The following LDLRAD3 variants were observed in gnomAD, a reference collection of about 807,000 sequenced individuals.
LDLRAD3 encodes the protein low density lipoprotein receptor class A domain containing 3.
In LDLRAD3, 20 loss-of-function variants were observed where a neutral mutation model predicts 29.4. The observed-to-expected ratio is 0.68, with a 90% confidence interval of 0.48 to 0.99. The LOEUF is 0.99. Ranked by LOEUF, LDLRAD3 falls within the 50% of genes least tolerant of loss-of-function variation. The pLI, the probability that LDLRAD3 is intolerant of heterozygous loss-of-function variation, is 0.00. For synonymous variants in LDLRAD3, 157 were observed against 192.7 expected (o/e 0.81, Z 1.53); for missense variants, 420 against 454.3 (o/e 0.92, Z 0.69).
chr11:36,163,513 A>G (rs1400558095), intron 4 of LDLRAD3: 1 of 152,184 alleles, frequency 6.6e-6, no homozygotes, highest in Non-Finnish European at 1.5e-5. Context: ...TAGATTTCGG[A>G]GAATGGTGAT....
chr11:35,944,277 A>C lies in LDLRAD3; in HGVS notation c.46+133A>C, dbSNP rs1237509223. ...GGGCGTGGGTGAGCGCGGAGGGCGG[A>C]CCCCGGCGCCGGGCTGGCCCGGACC... On this transcript the variant is annotated intron_variant, in intron 1 of 5. Coordinates refer to ENST00000315571, the MANE Select transcript of LDLRAD3 (RefSeq NM_174902.4). This position sits in a 1 kb window ranked among gnomAD's most constrained non-coding sequence, Gnocchi z 4.9. 1 of 452,502 alleles carries C rather than the reference A, an allele frequency of 2.2e-6. No individual in the cohort carries two copies. The highest frequency in any genetic ancestry group is 6.4e-5 in the Admixed American group (1 of 15,538). The allele number at this position is 452,502 out of a possible 1,614,324, so 28.0% of individuals were successfully genotyped here. A position where few individuals can be genotyped will look rare whatever the true frequency, so the allele number is the denominator to read the frequency against.
At chr11:35,966,788 A>T (rs1851347283) in intron 1 of LDLRAD3, among the ~76,000 whole-genome samples, 2 of 152,214 alleles carry the variant, frequency 1.3e-5, no homozygotes, top group South Asian at 4.1e-4. Flanking sequence ...ATATATTAGG[A>T]GACCCACTTC....
At chr11:36,068,715 A>G (rs1021481954) in intron 2 of LDLRAD3, among the ~76,000 whole-genome samples, 1 of 152,052 alleles carries the variant, frequency 6.6e-6, no homozygotes, top group African/African-American at 2.4e-5. Flanking sequence ...ATGGGGTTTC[A>G]CCGTGTTAGC....
intron 1 of LDLRAD3, among the ~76,000 whole-genome samples, chr11:36,009,844 G>A (rs75092779): frequency 0.053 from 7,871 of 147,552 alleles, 269 homozygotes; most frequent in East Asian, 0.13. Flanking sequence ...TTTTTCTTAC[G>A]AAGAAGTTTT....
chr11:36,177,733 G>C (rs926376285), intron 4 of LDLRAD3, among the ~76,000 whole-genome samples: 11 of 152,314 alleles, frequency 7.2e-5, no homozygotes, highest in African/African-American at 2.6e-4. Context: ...AGGTAGCAGG[G>C]GAGTGAAGTG....
chr11:35,985,026 G>A (rs1463673696), intron 1 of LDLRAD3, among the ~76,000 whole-genome samples: 2 of 150,858 alleles, frequency 1.3e-5, no homozygotes, highest in African/African-American at 2.4e-5. Context: ...CTGGGCTCAA[G>A]CGATTCTCCC....
At chr11:36,162,911 A>T (rs1854463796) in intron 4 of LDLRAD3, among the ~76,000 whole-genome samples, 1 of 152,230 alleles carries the variant, frequency 6.6e-6, no homozygotes, top group African/African-American at 2.4e-5. Flanking sequence ...TTGTCGTTAT[A>T]TCTGGATCCT....
At chr11:36,082,325 A>T (rs1017228174) in intron 3 of LDLRAD3, among the ~76,000 whole-genome samples, 3 of 152,150 alleles carry the variant, frequency 2.0e-5, no homozygotes, top group African/African-American at 4.8e-5. Flanking sequence ...CCTAGGCAAC[A>T]AGGTAAAACC....
Position 35,944,338 on chromosome 11 carries a change from A to G in LDLRAD3, c.46+194A>G, listed in dbSNP as rs932918791. Among the ~76,000 whole-genome samples the G allele has an allele frequency of 1.3e-5, 2 of 151,368 alleles. No homozygotes were observed. On this transcript the variant is annotated intron_variant, in intron 1 of 5. Transcript: ENST00000315571. This position sits in a 1 kb window ranked among gnomAD's most constrained non-coding sequence, Gnocchi z 4.9. Reference sequence around the variant, plus strand: ...GCCGCCGCGGGGTGCGAGCCGTCCTATTGTGTGGGCGTGCGCGCCGGGTCG... The same window carrying G: ...GCCGCCGCGGGGTGCGAGCCGTCCTGTTGTGTGGGCGTGCGCGCCGGGTCG...
At chr11:36,054,258 C>G (rs1399770871) in intron 2 of LDLRAD3, among the ~76,000 whole-genome samples, 2 of 152,172 alleles carry the variant, frequency 1.3e-5, no homozygotes, top group Non-Finnish European at 2.9e-5. Flanking sequence ...AACCGGCAAT[C>G]CTTTTTGAAG....
intron 1 of LDLRAD3, among the ~76,000 whole-genome samples, chr11:35,961,585 G>A (rs1851278555): frequency 6.6e-6 from 1 of 152,186 alleles, no homozygotes; most frequent in Non-Finnish European, 1.5e-5. Context: ...GACTAGGGTT[G>A]AGGGCTGGGA....
rs760037268 is a variant in LDLRAD3 at position 36,147,284 on chromosome 11, A to T, written c.454+48823A>T. ...AGGCACCCACCACCACACCCAGCTA[A>T]TTTTTTTGTATTTTTAGTAGAGACA... On this transcript the variant is annotated intron_variant, in intron 4 of 5. Coordinates refer to ENST00000315571, the MANE Select transcript of LDLRAD3 (RefSeq NM_174902.4). 5.4e-5 allele frequency among the ~76,000 whole-genome samples: 8 copies of T among 147,882 alleles called. No homozygotes were observed. In the East Asian group the frequency reaches 1.6e-3, roughly 30 times the overall value.
At chr11:36,176,684 G>A (rs1023950717) in intron 4 of LDLRAD3, among the ~76,000 whole-genome samples, 6 of 152,140 alleles carry the variant, frequency 3.9e-5, no homozygotes, top group Admixed American at 2.0e-4. Flanking sequence ...GAAATCCGCC[G>A]TTAATCTGAT....
At chr11:36,167,279 C>T (rs1854528529) in intron 4 of LDLRAD3, among the ~76,000 whole-genome samples, 1 of 152,116 alleles carries the variant, frequency 6.6e-6, no homozygotes, top group Non-Finnish European at 1.5e-5. Flanking sequence ...TTGGATGAGG[C>T]CCGCCCACAC....
At chr11:36,178,721 T>TCC (rs1854714423) in intron 4 of LDLRAD3, among the ~76,000 whole-genome samples, 1 of 152,220 alleles carries the variant, frequency 6.6e-6, no homozygotes, top group African/African-American at 2.4e-5. Context: ...TAAAGTTGTT[T>TCC]CCATCCTTCA....
chr11:36,111,632 A>T (rs570342812), intron 4 of LDLRAD3, among the ~76,000 whole-genome samples: 1 of 138,736 alleles, frequency 7.2e-6, no homozygotes, highest in East Asian at 2.1e-4. Context: ...ATGGAGTCTC[A>T]CTCTGTTGCC....
chr11:36,181,119 A>G (rs775150892), intron 4 of LDLRAD3, among the ~76,000 whole-genome samples: 1 of 152,034 alleles, frequency 6.6e-6, no homozygotes, highest in Non-Finnish European at 1.5e-5. Context: ...TAACGATCAG[A>G]TGCTGACCTC....
intron 4 of LDLRAD3, among the ~76,000 whole-genome samples, chr11:36,208,361 G>A (rs542353774): frequency 3.3e-5 from 5 of 152,296 alleles, no homozygotes; most frequent in Admixed American, 1.3e-4. Flanking sequence ...AGATCAAGGC[G>A]CGAGCAGGTT....
At chr11:36,051,886 A>G (rs530906146) in intron 2 of LDLRAD3, among the ~76,000 whole-genome samples, 8 of 152,280 alleles carry the variant, frequency 5.3e-5, no homozygotes, top group Non-Finnish European at 8.8e-5. Context: ...ACAGTGCCCA[A>G]CCAGTACTTT....
Sources: gnomAD v4.1 joint callset for allele counts (sites outside exome capture counted in the v4.1 genomes callset) on GRCh38, gnomAD v4.1.1 for gene constraint, Gnocchi (gnomAD v3.1) non-coding constraint, MANE v1.5 for transcripts, NCBI Gene and HGNC (gene_info 2026-07-23, HGNC 2026-07-21) for gene names.